The following THSD4 variants were observed in gnomAD, a reference collection of about 807,000 sequenced individuals.
THSD4 encodes thrombospondin type 1 domain containing 4.
A neutral mutation model predicts 119.0 loss-of-function variants in THSD4; 69 were observed. The ratio of observed to expected loss-of-function variants is 0.58; its 90% CI spans 0.48 to 0.71. The LOEUF (loss-of-function observed/expected upper bound fraction) is 0.71, where lower values mean the gene tolerates loss of function less well. Among genes scored for constraint, THSD4 ranks in the 30% least tolerant of loss-of-function variants. The pLI, the probability that THSD4 is intolerant of heterozygous loss-of-function variation, is 0.00. For missense variants in THSD4, 1,393 were observed against 1,391.1 expected (o/e 1.00, Z -0.02); for synonymous variants, 524 against 540.4 (o/e 0.97, Z 0.42).
chr15:71,777,345 A>C lies in THSD4; in HGVS notation c.3028A>C (p.Arg1010=). Residue 1010 remains arginine, a synonymous_variant, in exon 18 of 18, where the codon AGG becomes CGG. Coordinates refer to ENST00000261862, the MANE Select transcript of THSD4 (RefSeq NM_024817.3). The stretch of plus-strand genomic sequence containing the variant: ...TGCCTCCTGCACCCGTGTGGCCAAC[A>C]GGCAGACGGGCTTCCTGGGGAGCAG... The part of the protein sequence containing the change: ...CCASCTRVAN[R]QTGFLGSR 1 of 1,614,170 alleles carries C rather than the reference A, an allele frequency of 6.2e-7. No homozygotes were observed. The highest frequency in any genetic ancestry group is 1.1e-5 in the South Asian group (1 of 91,086).
At chr15:71,363,186 A>G (rs2045916228) in intron 6 of THSD4, among the ~76,000 whole-genome samples, 1 of 152,196 alleles carries the variant, frequency 6.6e-6, no homozygotes, top group South Asian at 2.1e-4. Flanking sequence ...TTTAGACTGT[A>G]GGCCAGTCTG....
At chr15:71,281,873 G>A (rs879629821) in intron 6 of THSD4, among the ~76,000 whole-genome samples, 14 of 152,096 alleles carry the variant, frequency 9.2e-5, no homozygotes, top group Admixed American at 4.6e-4. Flanking sequence ...CCTATTTGTC[G>A]TGTTCAGCCA....
At chr15:71,218,165 G>C (rs1398269002) in intron 4 of THSD4, among the ~76,000 whole-genome samples, 1 of 152,192 alleles carries the variant, frequency 6.6e-6, no homozygotes, top group Non-Finnish European at 1.5e-5. Flanking sequence ...ATAGAGTCAG[G>C]CTTGAAACCC....
chr15:71,152,744 C>G (rs372884272), intron 2 of THSD4, among the ~76,000 whole-genome samples: 3 of 152,312 alleles, frequency 2.0e-5, no homozygotes. Context: ...TCCAGATTCT[C>G]CTCTCTCAGG....
At chr15:71,645,793 G>T (rs1383655758) in intron 7 of THSD4, among the ~76,000 whole-genome samples, 3 of 152,220 alleles carry the variant, frequency 2.0e-5, no homozygotes, top group Non-Finnish European at 4.4e-5. Context: ...GGATAAGAGA[G>T]AACTCAAAGC....
At chr15:71,324,668 C>T (rs571270747) in intron 6 of THSD4, among the ~76,000 whole-genome samples, 8 of 152,296 alleles carry the variant, frequency 5.3e-5, no homozygotes, top group South Asian at 2.1e-4. Context: ...AGTACTATTC[C>T]GTGGTGTATA....
intron 6 of THSD4, among the ~76,000 whole-genome samples, chr15:71,309,384 C>G (rs1045258443): frequency 6.6e-6 from 1 of 152,210 alleles, no homozygotes; most frequent in Admixed American, 6.5e-5. Context: ...TGTAAGCGTT[C>G]TTTATATATT....
rs879390507 is a variant in THSD4 at position 71,566,142 on chromosome 15, CTTTTTCTTTTTTTCT to C, written c.1153-94382_1153-94368del. 4.9e-4 allele frequency among the ~76,000 whole-genome samples: 55 copies of C among 111,764 alleles called. 1 individual carries two copies. The Admixed American group carries it at 6.6e-3, about 13-fold the overall frequency. The allele number at this position is 111,764 out of a possible 152,430, so 73.3% of individuals were successfully genotyped here. A position where few individuals can be genotyped will look rare whatever the true frequency, so the allele number is the denominator to read the frequency against. ...CATTTCTTTTCTTTCTTTCTTTTTTCTTTTTCTTTTTTTCTTTTTTTTTTTTTGCTGAAATTCGGT... is the reference window on the plus strand; with the variant it reads ...CATTTCTTTTCTTTCTTTCTTTTTTCTTTTTTTTTTTTGCTGAAATTCGGT... On this transcript the variant is annotated intron_variant, in intron 7 of 17. Coordinates refer to ENST00000261862, the MANE Select transcript of THSD4 (RefSeq NM_024817.3).
intron 6 of THSD4, among the ~76,000 whole-genome samples, chr15:71,306,095 C>T (rs1202000588): frequency 6.6e-6 from 1 of 152,024 alleles, no homozygotes; most frequent in African/African-American, 2.4e-5. Flanking sequence ...ATCACGAGGT[C>T]AGGAGTTCAA....
chr15:71,594,705 G>A (rs999257254), intron 7 of THSD4, among the ~76,000 whole-genome samples: 9 of 152,178 alleles, frequency 5.9e-5, no homozygotes, highest in South Asian at 4.1e-4. Context: ...TCCATGTATC[G>A]AACAAGCATT....
At chr15:71,309,752 T>C (rs2045085205) in intron 6 of THSD4, among the ~76,000 whole-genome samples, 1 of 152,228 alleles carries the variant, frequency 6.6e-6, no homozygotes, top group East Asian at 1.9e-4. Flanking sequence ...TTTTCCACCA[T>C]TGAATGATTT....
intron 7 of THSD4, among the ~76,000 whole-genome samples, chr15:71,478,197 CAT>C (rs1317050237): frequency 1.2e-4 from 19 of 152,234 alleles, no homozygotes; most frequent in Non-Finnish European, 1.8e-4. Flanking sequence ...AATGCCATGT[CAT>C]ATTATAGCTT....
chr15:71,655,575 T>C (rs911779029), intron 7 of THSD4, among the ~76,000 whole-genome samples: 3 of 152,222 alleles, frequency 2.0e-5, no homozygotes, highest in Non-Finnish European at 4.4e-5. Context: ...ATTCTGCTAA[T>C]TACATTCTAT....
chr15:71,621,997 G>A (rs189735801), intron 7 of THSD4, among the ~76,000 whole-genome samples: 87 of 152,222 alleles, frequency 5.7e-4, no homozygotes, highest in Non-Finnish European at 1.0e-3. Flanking sequence ...ACTGAGAATC[G>A]AAGTGATTTT....
At chr15:71,493,493 C>T (rs1057185026) in intron 7 of THSD4, among the ~76,000 whole-genome samples, 9 of 152,114 alleles carry the variant, frequency 5.9e-5, no homozygotes, top group African/African-American at 2.2e-4. Context: ...CTATTATCCC[C>T]ATTTGATAGC....
Position 71,344,069 on chromosome 15 carries a change from C to T in THSD4, c.1016-67618C>T, listed in dbSNP as rs191888041. On this transcript the variant is annotated intron_variant, in intron 6 of 17. Transcript: ENST00000261862. ...TTTTTTTTTTTTTGAGACAGAGTCT[C>T]GCTCTGTCGCCCAGGCTGGAGTGCA... is the stretch of plus-strand genomic sequence containing the variant. Among the ~76,000 whole-genome samples, 391 of 139,166 alleles carry T rather than the reference C, an allele frequency of 2.8e-3. 3 individuals carry two copies. The highest frequency in any genetic ancestry group is 1.0e-2 in the African/African-American group (371 of 37,264). The allele number at this position is 139,166 out of a possible 152,430, so 91.3% of individuals were successfully genotyped here.
intron 6 of THSD4, among the ~76,000 whole-genome samples, chr15:71,338,164 T>G (rs1305093527): frequency 6.6e-6 from 1 of 152,198 alleles, no homozygotes; most frequent in Non-Finnish European, 1.5e-5. Flanking sequence ...GTTTGAGCTT[T>G]GAATCCTGGA....
chr15:71,575,768 GACA>G (rs759478126), intron 7 of THSD4, among the ~76,000 whole-genome samples: 3 of 152,114 alleles, frequency 2.0e-5, no homozygotes, highest in South Asian at 2.1e-4. Flanking sequence ...AAGCAACAAC[GACA>G]ACAACAACAA....
At chr15:71,500,623 G>A (rs1156290713) in intron 7 of THSD4, among the ~76,000 whole-genome samples, 2 of 152,178 alleles carry the variant, frequency 1.3e-5, no homozygotes, top group Non-Finnish European at 2.9e-5. Context: ...ATATGTTTAG[G>A]TCTTTAATCC....
Sources: gnomAD v4.1 joint callset for allele counts (sites outside exome capture counted in the v4.1 genomes callset) on GRCh38, gnomAD v4.1.1 for gene constraint, MANE v1.5 for transcripts, NCBI Gene and HGNC (gene_info 2026-07-23, HGNC 2026-07-21) for gene names.